Variants in EPC2 observed in about 807,000 individuals in gnomAD.
EPC2 encodes enhancer of polycomb homolog 2.
A neutral mutation model predicts 92.1 loss-of-function variants in EPC2; 14 were observed. The ratio of observed to expected loss-of-function variants is 0.15; its 90% confidence interval spans 0.10 to 0.24. The LOEUF is 0.24. Ranked by LOEUF, EPC2 falls within the 10% of genes least tolerant of loss-of-function variation. The pLI is 1.00. For missense variants in EPC2, 755 were observed against 971.5 expected (o/e 0.78, Z 2.96); for synonymous variants, 340 against 334.7 (o/e 1.02, Z -0.17).
At position 148,762,798 on chromosome 2, in the gene EPC2, C is replaced by A; in HGVS notation, c.944C>A (p.Thr315Asn). 2 of 1,602,108 alleles carry A rather than the reference C, an allele frequency of 1.2e-6. No homozygotes were observed. Among genetic ancestry groups the A allele is most frequent in the Non-Finnish European group, 1.7e-6 (2 of 1,175,744 alleles). ...CATCACAAAGTTCAAGAATGTAAAA[C>A]TAAGGTGAATATTGTCTGGGAAGAA... ...GNHHKVQECK[T>N]KHPHHLSLKE... Residue 315 changes from threonine to asparagine, a missense_variant, in exon 6 of 14, where the codon ACT becomes AAT. Coordinates refer to ENST00000258484, the MANE Select transcript of EPC2 (RefSeq NM_015630.4).
chr2:148,710,836 G>C (rs908707059), intron 2 of EPC2, among the ~76,000 whole-genome samples: 1 of 152,112 alleles, frequency 6.6e-6, no homozygotes, highest in South Asian at 2.1e-4. Flanking sequence ...TCACACACCG[G>C]GGCCTGTTGT....
At chr2:148,706,117 G>A (rs535956887) in intron 2 of EPC2, among the ~76,000 whole-genome samples, 10 of 152,102 alleles carry the variant, frequency 6.6e-5, no homozygotes, top group Non-Finnish European at 1.0e-4. Flanking sequence ...ATGATTAGAC[G>A]AATGGCTAAC....
intron 1 of EPC2, among the ~76,000 whole-genome samples, chr2:148,659,585 A>C (rs1340693357): frequency 6.6e-6 from 1 of 152,104 alleles, no homozygotes; most frequent in Non-Finnish European, 1.5e-5. Flanking sequence ...TTAAGCACTA[A>C]AGTAAATCTA....
In EPC2 at chr2:148,644,969, G is replaced by A. The variant is rs750100903; in HGVS notation, c.-49G>A. On this transcript the variant is annotated 5_prime_UTR_variant, in exon 1 of 14. Coordinates refer to ENST00000258484, the MANE Select transcript of EPC2 (RefSeq NM_015630.4). ...CGGCGGGAGTCCTCCCCCCCTCCCC[G>A]CCCGCCCCGCCGCCGCCGCCCGGGC... 12 of 922,360 alleles carry A rather than the reference G, an allele frequency of 1.3e-5. No homozygotes were observed. The highest frequency in any genetic ancestry group is 1.1e-4 in the South Asian group (8 of 71,190). The allele number at this position is 922,360 out of a possible 1,614,324, so 57.1% of individuals were successfully genotyped here.
chr2:148,654,765 C>T (rs963437384), intron 1 of EPC2, among the ~76,000 whole-genome samples: 6 of 152,158 alleles, frequency 3.9e-5, no homozygotes. Flanking sequence ...AGTTGACAAG[C>T]AAATTGATTT....
chr2:148,730,261 A>G (rs1682589531), intron 2 of EPC2, among the ~76,000 whole-genome samples: 1 of 152,198 alleles, frequency 6.6e-6, no homozygotes. Flanking sequence ...AAGCTAGGTC[A>G]GAACTTTGGA....
intron 1 of EPC2, among the ~76,000 whole-genome samples, chr2:148,676,654 G>GT (rs926601752): frequency 3.0e-4 from 44 of 147,414 alleles, no homozygotes; most frequent in African/African-American, 6.5e-4. Context: ...TCATATCCTA[G>GT]TTTTTTTTTT....
intron 2 of EPC2, among the ~76,000 whole-genome samples, chr2:148,725,351 CTCTT>C (rs994572269): frequency 1.8e-4 from 28 of 151,754 alleles, no homozygotes; most frequent in Non-Finnish European, 2.9e-5. Flanking sequence ...GTTTTTTTAA[CTCTT>C]TCTCTGTCAC....
chr2:148,699,039 G>A (rs969986132), intron 2 of EPC2, among the ~76,000 whole-genome samples: 4 of 151,900 alleles, frequency 2.6e-5, no homozygotes, highest in Non-Finnish European at 5.9e-5. Context: ...AGTAATGAAG[G>A]TTTTTGTTTC....
intron 1 of EPC2, among the ~76,000 whole-genome samples, chr2:148,661,899 T>C (rs895656728): frequency 2.6e-5 from 4 of 152,110 alleles, no homozygotes; most frequent in African/African-American, 9.7e-5. Flanking sequence ...GGTAATGAGG[T>C]GTTACTCTTT....
chr2:148,665,403 A>G (rs1339186950), intron 1 of EPC2, among the ~76,000 whole-genome samples: 1 of 152,190 alleles, frequency 6.6e-6, no homozygotes, highest in Non-Finnish European at 1.5e-5. Flanking sequence ...TCTCGAGTGA[A>G]TATTTAAGCT....
At chr2:148,662,602 G>T (rs1047736434) in intron 1 of EPC2, among the ~76,000 whole-genome samples, 1 of 151,978 alleles carries the variant, frequency 6.6e-6, no homozygotes, top group African/African-American at 2.4e-5. Flanking sequence ...TCACTCATAG[G>T]TGGGAATTGA....
intron 1 of EPC2, among the ~76,000 whole-genome samples, chr2:148,671,286 G>GTTTTTTTT (rs369058386): frequency 2.5e-4 from 33 of 130,588 alleles, no homozygotes; most frequent in African/African-American, 8.8e-4. Context: ...TGTGGATTGT[G>GTTTTTTTT]ATTTTTTTTT....
chr2:148,781,515 C>G, intron 10 of EPC2, 129 bp from the exon 11 acceptor site: 1 of 861,074 alleles, frequency 1.2e-6, no homozygotes, highest in East Asian at 2.8e-5. Context: ...AGATTATTTT[C>G]TGATATTCCA....
intron 10 of EPC2, among the ~76,000 whole-genome samples, chr2:148,779,177 T>TA (rs1421273744): frequency 6.6e-6 from 1 of 152,194 alleles, no homozygotes; most frequent in Non-Finnish European, 1.5e-5. Flanking sequence ...CCGTTTTTAA[T>TA]ATGTACACAA....
At chr2:148,661,349 G>C (rs1446922628) in intron 1 of EPC2, among the ~76,000 whole-genome samples, 1 of 151,982 alleles carries the variant, frequency 6.6e-6, no homozygotes, top group Non-Finnish European at 1.5e-5. Context: ...ACTTGTTAAA[G>C]CTGTTGATTT....
At chr2:148,736,319 A>G (rs1156273455) in intron 2 of EPC2, among the ~76,000 whole-genome samples, 1 of 152,210 alleles carries the variant, frequency 6.6e-6, no homozygotes, top group Non-Finnish European at 1.5e-5. Flanking sequence ...TTTGGGCAGT[A>G]GGAACCTATT....
chr2:148,713,955 A>G (rs1223416802), intron 2 of EPC2, among the ~76,000 whole-genome samples: 1 of 152,052 alleles, frequency 6.6e-6, no homozygotes, highest in African/African-American at 2.4e-5. Context: ...TTTCTTGCCT[A>G]GTTAAACATG....
At chr2:148,677,729 T>G (rs1414836534) in intron 1 of EPC2, among the ~76,000 whole-genome samples, 1 of 152,018 alleles carries the variant, frequency 6.6e-6, no homozygotes, top group South Asian at 2.1e-4. Context: ...TTCTTCCTTC[T>G]GGTGGGTTCG....
Sources: allele counts gnomAD v4.1 joint callset (sites outside exome capture counted in the v4.1 genomes callset), GRCh38; gene constraint gnomAD v4.1.1; transcripts MANE v1.5; gene names NCBI Gene and HGNC (gene_info 2026-07-23, HGNC 2026-07-21).